The following APOL4 variants were observed in gnomAD, a reference collection of about 807,000 sequenced individuals.
APOL4 encodes the protein apolipoprotein L4, also known as apolipoprotein L, 4.
APOL4 carries 14 observed loss-of-function variants against 12.1 expected under a neutral mutation model. The ratio of observed to expected loss-of-function variants is 1.16; its 90% CI spans 0.76 to 1.81. APOL4 has a LOEUF of 1.81. APOL4 is among the 40% of genes most tolerant of loss of function. APOL4 has a pLI of 0.00. For synonymous variants in APOL4, 171 were observed against 160.6 expected, an observed-to-expected ratio of 1.06 and a Z score of -0.49; for missense variants, 432 against 423.1, an observed-to-expected ratio of 1.02 and a Z score of -0.18.
At chr22:36,199,108 G>A (rs776984975) in intron 2 of APOL4, among the ~76,000 whole-genome samples, 17 of 152,250 alleles carry the variant, frequency 1.1e-4, no homozygotes, top group African/African-American at 2.2e-4. Flanking sequence ...GCCATGACCC[G>A]CTGAGGAGAG....
At chr22:36,200,773 G>A (rs139984902) in intron 1 of APOL4, among the ~76,000 whole-genome samples, 6 of 152,332 alleles carry the variant, frequency 3.9e-5, no homozygotes, top group South Asian at 2.1e-4. Context: ...ATATGAAGAT[G>A]CCCATTCTTT....
rs575059303 is a variant in APOL4 at position 36,201,713 on chromosome 22, T to G, written c.22A>C (p.Ile8Leu). The G allele has an allele frequency of 3.4e-5, 54 of 1,608,164 alleles. 2 individuals carry two copies. In the South Asian group the frequency reaches 4.2e-4, roughly 13 times the overall value. Residue 8 changes from isoleucine to leucine, a missense_variant, in exon 1 of 4, where the codon ATC becomes CTC. Coordinates refer to ENST00000683024, the MANE Select transcript of APOL4 (RefSeq NM_001386885.1). Reference protein sequence around the residue: MGSWVQLITSVGVQQNHP... With the variant: MGSWVQLLTSVGVQQNHP... ...CCTCGGACTCACCCGACGCTTGTGA[T>G]GAGCTGCACCCAGGATCCCATCCTC... is the stretch of plus-strand genomic sequence containing the variant.
chr22:36,201,234 C>T (rs1010842089), intron 1 of APOL4, among the ~76,000 whole-genome samples: 1 of 150,806 alleles, frequency 6.6e-6, no homozygotes, highest in Non-Finnish European at 1.5e-5. Context: ...TGTGTCTCTG[C>T]GCACTCCCTG....
intron 1 of APOL4, among the ~76,000 whole-genome samples, chr22:36,200,039 C>G (rs1252238539): frequency 6.6e-6 from 1 of 151,658 alleles, no homozygotes; most frequent in East Asian, 2.0e-4. Context: ...GATCTCCTGA[C>G]CTCATGATCA....
rs548160413 is a variant in APOL4 at position 36,197,801 on chromosome 22, G to A, written c.82+1529C>T. ...AAGGAGCTGCTGTAACCAGCTGTAG[G>A]GACAGGGGGAGGGGATGGGCCCAGA... On this transcript the variant is annotated intron_variant, in intron 2 of 3. Coordinates refer to ENST00000683024, the MANE Select transcript of APOL4 (RefSeq NM_001386885.1). 7.9e-5 allele frequency: 123 copies of A among 1,549,936 alleles called. No homozygotes were observed. The African/African-American group carries it at 1.6e-3, about 20-fold the overall frequency.
At chr22:36,201,598 C>T (rs2014578856) in intron 1 of APOL4, 102 bp downstream of exon 1, 6 of 1,127,612 alleles carry the variant, frequency 5.3e-6, no homozygotes, top group Non-Finnish European at 7.2e-6. Flanking sequence ...GTGTGACCCC[C>T]TAGGCCAAGG....
chr22:36,193,784 C>T (rs75247326), intron 3 of APOL4, among the ~76,000 whole-genome samples: 4,302 of 152,286 alleles, frequency 0.028, 185 homozygotes, highest in African/African-American at 0.098. Flanking sequence ...GACTAAAGGC[C>T]ACTGGGTCCA....
At position 36,191,464 on chromosome 22, in the gene APOL4, G is replaced by C; in HGVS notation, c.658C>G (p.Arg220Gly). Residue 220 changes from arginine to glycine, a missense_variant, in exon 4 of 4, where the codon CGT becomes GGT. By Grantham distance (125) the Arg-to-Gly change is moderately radical. Coordinates refer to ENST00000683024, the MANE Select transcript of APOL4 (RefSeq NM_001386885.1). ...DQLEALRDIL[R>G]DITPNVLSFA... ...GAAAGCACATTGGGTGTGATGTCAC[G>C]CAGAATGTCCCTTAATGCCTCCAAT... 6.2e-7 allele frequency: 1 copy of C among 1,614,076 alleles called. No individual in the cohort carries two copies. Among genetic ancestry groups the C allele is most frequent in the Non-Finnish European group, 8.5e-7 (1 of 1,179,900 alleles).
At chr22:36,197,016 C>T (rs978082594) in intron 2 of APOL4, among the ~76,000 whole-genome samples, 1 of 152,134 alleles carries the variant, frequency 6.6e-6, no homozygotes, top group Admixed American at 6.5e-5. Flanking sequence ...ATCCTTGTGG[C>T]CCCTCCGTGT....
At position 36,191,533 on chromosome 22, in the gene APOL4, C is replaced by T. The variant is rs1469963763; in HGVS notation, c.589G>A (p.Ala197Thr). The T allele has an allele frequency of 3.1e-6, 5 of 1,613,934 alleles. No individual in the cohort carries two copies. The highest frequency in any genetic ancestry group is 4.2e-6 in the Non-Finnish European group (5 of 1,179,894). Residue 197 changes from alanine to threonine, a missense_variant, in exon 4 of 4, where the codon GCA (alanine) becomes ACA (threonine). Physicochemically the swap from Ala to Thr is moderately conservative, Grantham distance 58 (BLOSUM62 0). Transcript: ENST00000683024. ...GTCAGCCTGCTGGCTGTGAGTTCTG[C>T]TGACCTTGTGTATGTGTTCTCCACG... The part of the protein sequence containing the change: ...SIVENTYTRS[A>T]ELTASRLTAT...
chr22:36,193,052 TC>T (rs1480360910), intron 3 of APOL4, among the ~76,000 whole-genome samples: 1 of 152,058 alleles, frequency 6.6e-6, no homozygotes, highest in Non-Finnish European at 1.5e-5. Flanking sequence ...TCCCCCAAAG[TC>T]AATTTAGAGA....
intron 3 of APOL4, among the ~76,000 whole-genome samples, chr22:36,194,936 C>T (rs755042557): frequency 3.8e-4 from 58 of 152,366 alleles, no homozygotes; most frequent in East Asian, 5.8e-4. Context: ...TAAAAGGTAA[C>T]GCTAACTGAG....
At chr22:36,201,912 G>A, upstream of APOL4, 2 of 1,610,316 alleles carry the variant, frequency 1.2e-6, no homozygotes, top group Middle Eastern at 1.7e-4. Context: ...CATGGCTCCT[G>A]GCCCAGCCCA....
At position 36,195,340 on chromosome 22, in the gene APOL4, C is replaced by G; in HGVS notation, c.180G>C (p.Lys60Asn). ...KILLTSDEAW[K>N]RFVRVAELPR... is the part of the protein sequence containing the mutation. The stretch of plus-strand genomic sequence containing the variant: ...GCAATTCAGCCACACGCACAAATCT[C>G]TTCCAGGCTTCATCGCTAGTCAGCA... The change falls in exon 3 of 4, where the codon AAG becomes AAC. Residue 60 changes from lysine (K) to asparagine (N), a missense_variant. By Grantham distance (94) the Lys-to-Asn change is moderately conservative (BLOSUM62 0). Transcript: ENST00000683024. 6.2e-7 allele frequency: 1 copy of G among 1,614,122 alleles called. No individual in the cohort carries two copies. The highest frequency in any genetic ancestry group is 1.7e-5 in the Admixed American group (1 of 60,026).
chr22:36,201,184 A>G (rs552181957), intron 1 of APOL4, among the ~76,000 whole-genome samples: 9 of 151,076 alleles, frequency 6.0e-5, no homozygotes, highest in African/African-American at 2.0e-4. Context: ...CATCCCAGTT[A>G]GGGGCGGCTC....
At position 36,201,799 on chromosome 22, in the gene APOL4, G is replaced by A. The variant is rs1287774843; in HGVS notation, c.-65C>T. On this transcript the variant is annotated 5_prime_UTR_variant, in exon 1 of 4. Coordinates refer to ENST00000683024, the MANE Select transcript of APOL4 (RefSeq NM_001386885.1). ...GGGGCCTCTGCTGAATGTTGAGGCT[G>A]GATACTGACTGTTAGCCTCAACTAG... The A allele has an allele frequency of 5.7e-6, 9 of 1,579,214 alleles. No homozygotes were observed. The highest frequency in any genetic ancestry group is 1.4e-5 in the African/African-American group (1 of 73,952).
intron 2 of APOL4, chr22:36,197,810 GA>G: frequency 6.5e-7 from 1 of 1,549,620 alleles, no homozygotes; most frequent in Admixed American, 2.0e-5. Context: ...GGGACAGGGG[GA>G]GGGGATGGGC....
Position 36,197,318 on chromosome 22 carries a change from A to T in APOL4, c.83-1881T>A, listed in dbSNP as rs552644383. 5 of 245,004 alleles carry T rather than the reference A, an allele frequency of 2.0e-5. No individual in the cohort carries two copies. In the East Asian group the frequency reaches 5.4e-4, roughly 26 times the overall value. 15.2% of individuals were successfully genotyped at this position (245,004 alleles called of 1,614,324 possible). On this transcript the variant is annotated intron_variant, in intron 2 of 3. Transcript: ENST00000683024. ...GTTGCCATGGCAACTCTGTAAGGGG[A>T]GGAAGCCCTCCTGAGGAAATGGGGC...
rs2146933135 is a variant in APOL4 at position 36,190,756 on chromosome 22, C to T, written c.*319G>A. ...ATTTCATATTGTTCAAACACACATG[C>T]TCTACAATTTGTGCAGTTAACGCAA... On this transcript the variant is annotated 3_prime_UTR_variant, in exon 4 of 4. Coordinates refer to ENST00000683024, the MANE Select transcript of APOL4 (RefSeq NM_001386885.1). 3.5e-6 allele frequency: 1 copy of T among 284,368 alleles called. No individual in the cohort carries two copies. Among genetic ancestry groups the T allele is most frequent in the Non-Finnish European group, 6.7e-6 (1 of 149,890 alleles). The allele number at this position is 284,368 out of a possible 1,614,324, so 17.6% of individuals were successfully genotyped here.
Sources: gnomAD v4.1 joint callset for allele counts (sites outside exome capture counted in the v4.1 genomes callset) on GRCh38, gnomAD v4.1.1 for gene constraint, MANE v1.5 for transcripts, NCBI Gene and HGNC (gene_info 2026-07-23, HGNC 2026-07-21) for gene names.